RGS6: variants seen among roughly 807,000 people sequenced by gnomAD.
The protein encoded by RGS6 is regulator of G protein signaling 6, also known as regulator of G-protein signaling 6.
RGS6 carries 30 observed loss-of-function variants against 78.5 expected under a neutral mutation model. The ratio of observed to expected loss-of-function variants is 0.38; its 90% CI spans 0.29 to 0.52. The LOEUF (loss-of-function observed/expected upper bound fraction) is 0.52. Ranked by LOEUF, RGS6 falls within the 20% of genes least tolerant of loss-of-function variation. RGS6 has a pLI of 0.85. For missense variants in RGS6, 495 were observed against 609.7 expected (o/e 0.81, Z 1.98); for synonymous variants, 206 against 206.0 (o/e 1.00, Z 0.00).
chr14:72,018,678 C>T, intron 2 of RGS6, among the ~76,000 whole-genome samples: 1 of 152,326 alleles, frequency 6.6e-6, no homozygotes, highest in Non-Finnish European at 1.5e-5. Context: ...GGGCAGCAGC[C>T]TTCTACCTCG....
chr14:72,219,882 AT>A (rs1216044307), intron 2 of RGS6, among the ~76,000 whole-genome samples: 5 of 151,820 alleles, frequency 3.3e-5, no homozygotes, highest in Non-Finnish European at 7.4e-5. Flanking sequence ...GTCTATGTTC[AT>A]TTTTTTTCTT....
At chr14:72,053,717 A>G (rs1417773502) in intron 2 of RGS6, among the ~76,000 whole-genome samples, 2 of 152,250 alleles carry the variant, frequency 1.3e-5, no homozygotes, top group Admixed American at 6.5e-5. Context: ...AAACTAGAAC[A>G]CTGTCTTCAA....
At chr14:72,257,654 CA>C (rs1191464202) in intron 2 of RGS6, among the ~76,000 whole-genome samples, 1 of 151,908 alleles carries the variant, frequency 6.6e-6, no homozygotes, top group African/African-American at 2.4e-5. Flanking sequence ...TATAAAATAA[CA>C]AAGAAAAAAA....
intron 2 of RGS6, among the ~76,000 whole-genome samples, chr14:72,204,755 T>C (rs1379419043): frequency 6.6e-6 from 1 of 152,244 alleles, no homozygotes. Flanking sequence ...CCAAAAGCCC[T>C]ACCTCCTAAT....
intron 2 of RGS6, among the ~76,000 whole-genome samples, chr14:72,194,649 A>T (rs975541946): frequency 3.9e-5 from 6 of 152,248 alleles, no homozygotes; most frequent in African/African-American, 1.4e-4. Context: ...GGCGTGAGCT[A>T]CTGTGCCCGG....
chr14:72,246,675 C>T (rs189795428), intron 2 of RGS6, among the ~76,000 whole-genome samples: 18 of 152,150 alleles, frequency 1.2e-4, no homozygotes, highest in East Asian at 3.9e-4. Context: ...TTTGAGAGGC[C>T]GAGGTGGGCA....
At chr14:71,952,993 C>T (rs1052335479) in intron 1 of RGS6, among the ~76,000 whole-genome samples, 2 of 152,182 alleles carry the variant, frequency 1.3e-5, no homozygotes, top group African/African-American at 4.8e-5. Flanking sequence ...CTGTCACTCC[C>T]ACTTCTTCTC....
intron 3 of RGS6, among the ~76,000 whole-genome samples, chr14:72,440,386 G>A (rs1023999602): frequency 5.3e-5 from 8 of 151,522 alleles, no homozygotes; most frequent in Non-Finnish European, 1.2e-4. Context: ...CTGAGCATAT[G>A]AGTGATGTTG....
chr14:72,418,255 C>T (rs1200803182), intron 3 of RGS6, among the ~76,000 whole-genome samples: 3 of 152,020 alleles, frequency 2.0e-5, no homozygotes, highest in Non-Finnish European at 4.4e-5. Flanking sequence ...CAACCTCCAC[C>T]TCCCGGGTTC....
intron 2 of RGS6, among the ~76,000 whole-genome samples, chr14:72,200,763 A>G (rs184695524): frequency 9.2e-5 from 14 of 152,230 alleles, no homozygotes; most frequent in Admixed American, 9.2e-4. Context: ...TAATCTTTCA[A>G]TGTGGTCGAC....
intron 2 of RGS6, among the ~76,000 whole-genome samples, chr14:72,327,914 T>A (rs1397807499): frequency 6.7e-6 from 1 of 149,584 alleles, no homozygotes; most frequent in Non-Finnish European, 1.5e-5. Flanking sequence ...ATAGCCTAGA[T>A]ATATAGATAT....
the RGS6 span, chr14:72,619,883 G>A: frequency 6.6e-7 from 1 of 1,525,422 alleles, no homozygotes; most frequent in Non-Finnish European, 8.8e-7. Flanking sequence ...TGTTCTTATT[G>A]TTGACTTCAT....
At chr14:72,629,282 G>T in the RGS6 span, among the ~76,000 whole-genome samples, 2 of 152,134 alleles carry the variant, frequency 1.3e-5, no homozygotes, top group Non-Finnish European at 2.9e-5. Flanking sequence ...GCTGGTGATG[G>T]TTTACATCAA....
At chr14:72,358,969 C>T (rs2529459) in intron 3 of RGS6, among the ~76,000 whole-genome samples, 1 of 151,936 alleles carries the variant, frequency 6.6e-6, no homozygotes, top group African/African-American at 2.4e-5. Flanking sequence ...GGGTTGGTTA[C>T]CTCCATGCTT....
At position 72,133,913 on chromosome 14, in the gene RGS6, A is replaced by G. The variant is rs140890657; in HGVS notation, c.84+169038A>G. ...GTCTTTCACCCTTACCAGTAATGTTATGGTCTAGACTTCATTGACATGGTT... is the reference window on the plus strand; with the variant it reads ...GTCTTTCACCCTTACCAGTAATGTTGTGGTCTAGACTTCATTGACATGGTT... On this transcript the variant is annotated intron_variant, in intron 2 of 17. Coordinates refer to ENST00000553525, the MANE Select transcript of RGS6 (RefSeq NM_001204424.2). Among the ~76,000 whole-genome samples the G allele has an allele frequency of 6.8e-3, 1,033 of 152,232 alleles. 35 individuals carry two copies. Among genetic ancestry groups the G allele is most frequent in the Admixed American group, 0.06 (918 of 15,274 alleles).
At chr14:72,574,979 G>A in the RGS6 span, among the ~76,000 whole-genome samples, 1 of 152,158 alleles carries the variant, frequency 6.6e-6, no homozygotes, top group African/African-American at 2.4e-5. Context: ...GTGACTCAAT[G>A]AATATGGGGG....
intron 2 of RGS6, among the ~76,000 whole-genome samples, chr14:72,005,162 G>A (rs1463748986): frequency 1.3e-5 from 2 of 152,154 alleles, no homozygotes; most frequent in African/African-American, 4.8e-5. Flanking sequence ...TCTAATGAGA[G>A]AAGCCATTAA....
At chr14:71,998,528 C>T (rs936889655) in intron 2 of RGS6, among the ~76,000 whole-genome samples, 3 of 152,200 alleles carry the variant, frequency 2.0e-5, no homozygotes, top group African/African-American at 4.8e-5. Flanking sequence ...AGCTCTTTCT[C>T]GGCCTTCATG....
chr14:71,980,309 G>A (rs2094381246), intron 2 of RGS6, among the ~76,000 whole-genome samples: 1 of 134,438 alleles, frequency 7.4e-6, no homozygotes, highest in African/African-American at 2.8e-5. Context: ...TCATTATGAT[G>A]TTAGCTGGTG....
Sources: gnomAD v4.1 joint callset for allele counts (sites outside exome capture counted in the v4.1 genomes callset) on GRCh38, gnomAD v4.1.1 for gene constraint, MANE v1.5 for transcripts, NCBI Gene and HGNC (gene_info 2026-07-23, HGNC 2026-07-21) for gene names.